Variants in FSTL5 observed in about 807,000 individuals in gnomAD.
FSTL5 encodes the protein follistatin like 5, also known as follistatin-related protein 5.
A neutral mutation model predicts 89.1 loss-of-function variants in FSTL5; 62 were observed. That is an observed-to-expected ratio of 0.70 (90% confidence interval 0.57 to 0.86). The LOEUF (loss-of-function observed/expected upper bound fraction) is 0.86, where lower values mean the gene tolerates loss of function less well. Ranked by LOEUF, FSTL5 falls within the 40% of genes least tolerant of loss-of-function variation. The pLI is 0.00. For synonymous variants in FSTL5, 383 were observed against 346.2 expected, an observed-to-expected ratio of 1.11 and a Z score of -1.18; for missense variants, 1,057 against 1,001.6, an observed-to-expected ratio of 1.06 and a Z score of -0.75.
chr4:161,682,717 C>G (rs1346714457), intron 6 of FSTL5, among the ~76,000 whole-genome samples: 3 of 151,990 alleles, frequency 2.0e-5, no homozygotes, highest in African/African-American at 7.2e-5. Context: ...CCTGAAAGAC[C>G]TGGCTGAGGC....
intron 4 of FSTL5, among the ~76,000 whole-genome samples, chr4:161,864,870 CAAAAAA>C (rs10636039): frequency 1.1e-5 from 1 of 92,390 alleles, no homozygotes; most frequent in Non-Finnish European, 2.0e-5. Flanking sequence ...GACTTCGTCT[CAAAAAA>C]AAAAAAAAAA....
intron 4 of FSTL5, among the ~76,000 whole-genome samples, chr4:161,864,260 G>A (rs6831077): frequency 0.4 from 61,090 of 151,842 alleles, 12,817 homozygotes; most frequent in South Asian, 0.52. Flanking sequence ...AGTGGTGGCC[G>A]ATTTTATAAT....
intron 2 of FSTL5, among the ~76,000 whole-genome samples, chr4:162,043,581 T>TA (rs966354406): frequency 2.8e-4 from 42 of 149,090 alleles, no homozygotes; most frequent in East Asian, 2.3e-3. Flanking sequence ...TTTCTTAAAA[T>TA]AAAAAAAAAA....
At chr4:161,560,409 ACTTT>A (rs1370509241) in intron 8 of FSTL5, among the ~76,000 whole-genome samples, 3 of 151,858 alleles carry the variant, frequency 2.0e-5, no homozygotes, top group Non-Finnish European at 4.4e-5. Context: ...TTATAAAAAA[ACTTT>A]CTTTCTTCAA....
intron 8 of FSTL5, among the ~76,000 whole-genome samples, chr4:161,583,516 T>A (rs1733504846): frequency 6.6e-6 from 1 of 152,242 alleles, no homozygotes. Context: ...TCCCTCACTG[T>A]TAAATATAAA....
chr4:161,643,838 T>A (rs1736047528), intron 7 of FSTL5, among the ~76,000 whole-genome samples: 1 of 152,074 alleles, frequency 6.6e-6, no homozygotes, highest in African/African-American at 2.4e-5. Flanking sequence ...GAAAATAAAA[T>A]CTTCAGCAAA....
chr4:161,800,806 T>A, intron 4 of FSTL5, among the ~76,000 whole-genome samples: 1 of 151,602 alleles, frequency 6.6e-6, no homozygotes, highest in African/African-American at 2.4e-5. Flanking sequence ...CTTCAGGAAG[T>A]ATAAATATCT....
chr4:161,449,872 T>A (rs1002522746), intron 15 of FSTL5, among the ~76,000 whole-genome samples: 3 of 152,206 alleles, frequency 2.0e-5, no homozygotes, highest in Non-Finnish European at 2.9e-5. Context: ...TAGGTGAAGA[T>A]ATCTTGCTGT....
At chr4:161,974,873 CA>C (rs1735588517) in intron 3 of FSTL5, among the ~76,000 whole-genome samples, 1 of 151,850 alleles carries the variant, frequency 6.6e-6, no homozygotes, top group South Asian at 2.1e-4. Context: ...GGCTAATAGC[CA>C]AAATCTACAA....
intron 7 of FSTL5, among the ~76,000 whole-genome samples, chr4:161,633,581 G>A (rs1031375226): frequency 6.6e-6 from 1 of 151,890 alleles, no homozygotes; most frequent in African/African-American, 2.4e-5. Flanking sequence ...TCTTGACCTC[G>A]TGATCCGCCT....
chr4:161,747,449 A>G (rs1421421776), intron 6 of FSTL5, among the ~76,000 whole-genome samples: 3 of 152,226 alleles, frequency 2.0e-5, no homozygotes, highest in Non-Finnish European at 4.4e-5. Flanking sequence ...TGTTTATTCA[A>G]TAAAGTGTTA....
At chr4:161,997,191 A>T (rs539226464) in intron 3 of FSTL5, among the ~76,000 whole-genome samples, 11 of 152,344 alleles carry the variant, frequency 7.2e-5, no homozygotes, top group African/African-American at 2.6e-4. Flanking sequence ...TAGACAAATA[A>T]ATACATCTAG....
intron 15 of FSTL5, among the ~76,000 whole-genome samples, chr4:161,424,667 C>T (rs1472727126): frequency 6.6e-6 from 1 of 151,950 alleles, no homozygotes; most frequent in African/African-American, 2.4e-5. Context: ...TGCAAATAAC[C>T]AGACTCAAAA....
intron 3 of FSTL5, among the ~76,000 whole-genome samples, chr4:161,946,063 G>C (rs933825207): frequency 6.6e-6 from 1 of 151,984 alleles, no homozygotes; most frequent in South Asian, 2.1e-4. Flanking sequence ...AAATAAAAAA[G>C]AAGTTTGTCT....
In FSTL5 at chr4:162,021,343, TA is replaced by T. The variant is rs139457693; in HGVS notation, c.160+12281del. Among the ~76,000 whole-genome samples the T allele has an allele frequency of 4.8e-3, 725 of 152,298 alleles. 11 individuals are homozygous for T. Among genetic ancestry groups the T allele is most frequent in the African/African-American group, 0.016 (683 of 41,570 alleles). On this transcript the variant is annotated intron_variant, in intron 3 of 15. Coordinates refer to ENST00000306100, the MANE Select transcript of FSTL5 (RefSeq NM_020116.5). ...TAAAAGCAGTACAATTAGTTACATTTAGCTTCAAGCGTTTATTAACAGCACA... is the reference window on the plus strand; with the variant it reads ...TAAAAGCAGTACAATTAGTTACATTTGCTTCAAGCGTTTATTAACAGCACA...
chr4:161,906,035 T>A (rs1733512985), intron 4 of FSTL5, among the ~76,000 whole-genome samples: 1 of 152,102 alleles, frequency 6.6e-6, no homozygotes, highest in Admixed American at 6.6e-5. Context: ...CCAGGAAAAT[T>A]ATAAGAAACC....
intron 1 of FSTL5, among the ~76,000 whole-genome samples, chr4:162,162,169 C>A (rs537154649): frequency 3.3e-5 from 5 of 152,030 alleles, no homozygotes; most frequent in African/African-American, 4.8e-5. Flanking sequence ...GTAGTAAATA[C>A]AATGAAAAAT....
intron 3 of FSTL5, among the ~76,000 whole-genome samples, chr4:162,017,128 T>C (rs917137200): frequency 2.6e-5 from 4 of 152,302 alleles, no homozygotes; most frequent in Admixed American, 1.3e-4. Flanking sequence ...TTAGAGTCAG[T>C]CTTTGCAAGT....
intron 15 of FSTL5, among the ~76,000 whole-genome samples, chr4:161,416,844 CAAAAA>C (rs532290897): frequency 2.8e-5 from 2 of 71,078 alleles, no homozygotes; most frequent in Admixed American, 1.5e-4. Flanking sequence ...GACTCCATCT[CAAAAA>C]AAAAAAAAAA....
Sources: allele counts gnomAD v4.1 joint callset (sites outside exome capture counted in the v4.1 genomes callset), GRCh38; gene constraint gnomAD v4.1.1; transcripts MANE v1.5; gene names NCBI Gene and HGNC (gene_info 2026-07-23, HGNC 2026-07-21).